Variants in AAK1 observed in about 807,000 individuals in gnomAD.
AAK1 encodes AP2-associated protein kinase 1.
In AAK1, 37 loss-of-function variants were observed where a neutral mutation model predicts 116.0. That is an observed-to-expected ratio of 0.32 (90% confidence interval 0.25 to 0.42). The LOEUF (loss-of-function observed/expected upper bound fraction) is 0.42. Ranked by LOEUF, AAK1 falls within the 10% of genes least tolerant of loss-of-function variation. The pLI is 1.00. For synonymous variants in AAK1, 458 were observed against 439.9 expected (o/e 1.04, Z -0.51); for missense variants, 919 against 1,170.6 (o/e 0.79, Z 3.14).
At position 69,465,310 on chromosome 2, in the gene AAK1, G is replaced by A; in HGVS notation, c.*10559C>T. 1.0e-6 allele frequency: 1 copy of A among 982,706 alleles called. No individual in the cohort carries two copies. The highest frequency in any genetic ancestry group is 1.7e-5 in the South Asian group (1 of 58,300). The allele number at this position is 982,706 out of a possible 1,614,324, so 60.9% of individuals were successfully genotyped here. On this transcript the variant is annotated 3_prime_UTR_variant, in exon 22 of 22. Coordinates refer to ENST00000409085, the MANE Select transcript of AAK1 (RefSeq NM_014911.5). ...CTCAAGAAATTCTGCTCTGACGCAG[G>A]GAATTGAAATATAAGAACTGATAAT... is the stretch of plus-strand genomic sequence containing the variant.
chr2:69,535,265 C>T (rs963522323), intron 5 of AAK1, among the ~76,000 whole-genome samples: 4 of 152,144 alleles, frequency 2.6e-5, no homozygotes, highest in African/African-American at 9.7e-5. Flanking sequence ...GTGGCAGATA[C>T]CCTACTCATC....
At chr2:69,500,374 G>A (rs1459144282) in intron 16 of AAK1, 1 of 151,964 alleles carries the variant, frequency 6.6e-6, no homozygotes, top group Non-Finnish European at 1.5e-5. Context: ...AAACTATGAA[G>A]ACACTTTTTA....
At chr2:69,541,704 G>C (rs13429236) in intron 5 of AAK1, among the ~76,000 whole-genome samples, 6,497 of 152,150 alleles carry the variant, frequency 0.043, 471 homozygotes, top group African/African-American at 0.15. Context: ...GGGCTTCCCT[G>C]ATGTCACTAC....
At chr2:69,618,295 TA>T in intron 2 of AAK1, among the ~76,000 whole-genome samples, 1 of 151,964 alleles carries the variant, frequency 6.6e-6, no homozygotes, top group African/African-American at 2.4e-5. Flanking sequence ...ACATGCAAAA[TA>T]AAAATGGGTT....
At position 69,480,759 on chromosome 2, in the gene AAK1, G is replaced by A. The variant is rs1313024830; in HGVS notation, c.2569+101C>T. ...GTCCATTTCAGGAGGAACTACCTGG[G>A]CTTCAAAATAAGCCCAGGAACGACT... On this transcript the variant is annotated intron_variant, in intron 19 of 21. Transcript: ENST00000409085. 6 of 931,464 alleles carry A rather than the reference G, an allele frequency of 6.4e-6. No individual in the cohort carries two copies. The African/African-American group carries it at 6.8e-5, about 11-fold the overall frequency. The allele number at this position is 931,464 out of a possible 1,614,324, so 57.7% of individuals were successfully genotyped here.
Position 69,530,664 on chromosome 2 carries a change from C to T in AAK1, c.699G>A (p.Leu233=), listed in dbSNP as rs777619799. Residue 233 remains leucine (L), a synonymous_variant, in exon 7 of 22, where the codon CTG becomes CTA. Coordinates refer to ENST00000409085, the MANE Select transcript of AAK1 (RefSeq NM_014911.5). ...LSYRAPEMVN[L]YSGKIITTKA... ...TCGTAGTGATGATTTTGCCACTGTA[C>T]AGGTTGACCATTTCTGGTGCTCGAT... 1.2e-6 allele frequency: 2 copies of T among 1,613,654 alleles called. No individual in the cohort carries two copies. The highest frequency in any genetic ancestry group is 1.7e-6 in the Non-Finnish European group (2 of 1,179,756).
At chr2:69,623,209 G>A (rs950493912) in intron 2 of AAK1, among the ~76,000 whole-genome samples, 8 of 152,152 alleles carry the variant, frequency 5.3e-5, no homozygotes, top group Admixed American at 3.3e-4. Flanking sequence ...GAACACATCC[G>A]AACATCAGAA....
Position 69,464,311 on chromosome 2 carries a change from T to C in AAK1, c.*11558A>G, listed in dbSNP as rs1158820863. On this transcript the variant is annotated 3_prime_UTR_variant, in exon 22 of 22. Coordinates refer to ENST00000409085, the MANE Select transcript of AAK1 (RefSeq NM_014911.5). ...TAATGCTGGCATTTAGCCCACATAC[T>C]GAGAGGCCGGAACTGTAACAAGGTG... 2 of 152,230 alleles carry C rather than the reference T, an allele frequency of 1.3e-5. No individual in the cohort carries two copies. Among genetic ancestry groups the C allele is most frequent in the Non-Finnish European group, 2.9e-5 (2 of 68,040 alleles). 9.4% of individuals were successfully genotyped at this position (152,230 alleles called of 1,614,324 possible). A position where few individuals can be genotyped will look rare whatever the true frequency, so the allele number is the denominator to read the frequency against.
intron 21 of AAK1, 94 bp from the exon 22 acceptor site, chr2:69,476,057 A>G: frequency 1.3e-6 from 2 of 1,484,242 alleles, no homozygotes; most frequent in Non-Finnish European, 1.8e-6. Flanking sequence ...AACCAAAACC[A>G]AAACCAAAAC....
At chr2:69,629,020 T>C (rs1675042831) in intron 2 of AAK1, among the ~76,000 whole-genome samples, 1 of 152,228 alleles carries the variant, frequency 6.6e-6, no homozygotes, top group South Asian at 2.1e-4. Context: ...AAAAACCATA[T>C]CTTCTTTGAT....
At chr2:69,638,688 C>T (rs1423370637) in intron 2 of AAK1, among the ~76,000 whole-genome samples, 2 of 152,184 alleles carry the variant, frequency 1.3e-5, no homozygotes, top group Non-Finnish European at 2.9e-5. Flanking sequence ...TTTGCCTATA[C>T]TATTCTCTCA....
At position 69,469,699 on chromosome 2, in the gene AAK1, C is replaced by T. The variant is rs866351770; in HGVS notation, c.*6170G>A. The T allele has an allele frequency of 9.1e-6, 9 of 985,290 alleles. No individual in the cohort carries two copies. The highest frequency in any genetic ancestry group is 4.7e-5 in the South Asian group (1 of 21,286). The allele number at this position is 985,290 out of a possible 1,614,324, so 61.0% of individuals were successfully genotyped here. ...GGGTCTTACTTATCATAGAGCCTAA[C>T]GTAGGGTTTTGTTATAATTCCCTCA... On this transcript the variant is annotated 3_prime_UTR_variant, in exon 22 of 22. Coordinates refer to ENST00000409085, the MANE Select transcript of AAK1 (RefSeq NM_014911.5).
rs572797665 is a variant in AAK1 at position 69,458,680 on chromosome 2, C to T, written c.*17189G>A. On this transcript the variant is annotated 3_prime_UTR_variant, in exon 22 of 22. Coordinates refer to ENST00000409085, the MANE Select transcript of AAK1 (RefSeq NM_014911.5). ...TTATTAGGAGAGCTTGAATTAACAC[C>T]ATGGAAGAAAGCATGAAGATGAATG... The T allele has an allele frequency of 6.6e-6, 1 of 152,402 alleles. No homozygotes were observed. The highest frequency in any genetic ancestry group is 2.4e-5 in the African/African-American group (1 of 41,382). 9.4% of individuals were successfully genotyped at this position (152,402 alleles called of 1,614,324 possible).
Position 69,556,978 on chromosome 2 carries a change from C to A in AAK1, c.164G>T (p.Gly55Val). ...QVTVDEVLAE[G>V]GFAIVFLVRT... is the part of the protein sequence containing the mutation. ...CACCAGAAATACAATAGCAAATCCA[C>A]CTGTGAGAGAAACACACACAAGCTC... is the stretch of plus-strand genomic sequence containing the variant. Residue 55 changes from glycine (G) to valine (V), a missense_variant and splice_region_variant, in exon 3 of 22, where the codon GGT (glycine) becomes GTT (valine). Coordinates refer to ENST00000409085, the MANE Select transcript of AAK1 (RefSeq NM_014911.5). 1 of 1,607,764 alleles carries A rather than the reference C, an allele frequency of 6.2e-7. No individual in the cohort carries two copies. Among genetic ancestry groups the A allele is most frequent in the Non-Finnish European group, 8.5e-7 (1 of 1,174,294 alleles).
chr2:69,589,437 A>G (rs970220311), intron 2 of AAK1, among the ~76,000 whole-genome samples: 4 of 152,268 alleles, frequency 2.6e-5, no homozygotes, highest in Middle Eastern at 3.4e-3. Flanking sequence ...GGCCAGGCAC[A>G]GTGGCTCATG....
chr2:69,491,167 A>G (rs1486541850), intron 17 of AAK1, among the ~76,000 whole-genome samples: 1 of 151,958 alleles, frequency 6.6e-6, no homozygotes, highest in East Asian at 1.9e-4. Context: ...CTGGTCTCGA[A>G]CTCCCAGGCT....
At chr2:69,500,166 G>C (rs1675914412) in intron 16 of AAK1, 1 of 152,158 alleles carries the variant, frequency 6.6e-6, no homozygotes, top group African/African-American at 2.4e-5. Context: ...AACAGTCTGA[G>C]TTCAGTTAGA....
chr2:69,544,314 C>T, intron 4 of AAK1, 122 bp downstream of exon 4: 1 of 697,294 alleles, frequency 1.4e-6, no homozygotes, highest in Non-Finnish European at 2.4e-6. Context: ...TTTTAGTTTT[C>T]TCATCTGTCA....
Position 69,467,944 on chromosome 2 carries a change from T to G in AAK1, c.*7925A>C, listed in dbSNP as rs1387101542. The G allele has an allele frequency of 1.1e-5, 11 of 985,336 alleles. No homozygotes were observed. The highest frequency in any genetic ancestry group is 1.7e-5 in the African/African-American group (1 of 57,236). The allele number at this position is 985,336 out of a possible 1,614,324, so 61.0% of individuals were successfully genotyped here. ...TTTAGCAGTGCTTCTTTTTAAACAG[T>G]TCTGACCTTAAATATTGTTTTCAGA... On this transcript the variant is annotated 3_prime_UTR_variant, in exon 22 of 22. Transcript: ENST00000409085.
Sources: allele counts gnomAD v4.1 joint callset (sites outside exome capture counted in the v4.1 genomes callset), GRCh38; gene constraint gnomAD v4.1.1; transcripts MANE v1.5; gene names NCBI Gene and HGNC (gene_info 2026-07-23, HGNC 2026-07-21).